MARCHF5: variants seen among roughly 807,000 people sequenced by gnomAD.
The protein encoded by MARCHF5 is membrane associated ring-CH-type finger 5.
A neutral mutation model predicts 36.5 loss-of-function variants in MARCHF5; 5 were observed. The ratio of observed to expected loss-of-function variants is 0.14; its 90% CI spans 0.07 to 0.29. The LOEUF (loss-of-function observed/expected upper bound fraction) is 0.29. Among genes scored for constraint, MARCHF5 ranks in the 10% least tolerant of loss-of-function variants. The probability of loss-of-function intolerance (pLI) is 1.00; values close to 1 mark genes in which losing one functional copy is unlikely to be tolerated. For missense variants in MARCHF5, 179 were observed against 336.3 expected (o/e 0.53, Z 3.66); for synonymous variants, 103 against 109.9 (o/e 0.94, Z 0.39).
intron 1 of MARCHF5, among the ~76,000 whole-genome samples, chr10:92,293,781 CA>C (rs1261520953): frequency 5.5e-5 from 8 of 144,430 alleles, no homozygotes; most frequent in East Asian, 2.0e-4. Context: ...AACTCCATCT[CA>C]AAAAAAAAAG....
intron 2 of MARCHF5, among the ~76,000 whole-genome samples, chr10:92,329,801 T>G (rs1181126101): frequency 6.6e-6 from 1 of 152,186 alleles, no homozygotes. Context: ...CCATAGTGAT[T>G]TAGTCTTTGA....
At position 92,311,262 on chromosome 10, in the gene MARCHF5, C is replaced by G; in HGVS notation, c.163C>G (p.Gln55Glu). The G allele has an allele frequency of 1.2e-6, 2 of 1,613,544 alleles. No homozygotes were observed. The highest frequency in any genetic ancestry group is 1.7e-6 in the Non-Finnish European group (2 of 1,179,684). Residue 55 changes from glutamine to glutamate, a missense_variant, in exon 2 of 6, where the codon CAA (glutamine) becomes GAA (glutamate). Transcript: ENST00000358935. ...TCTACAACGCTGGGTGGATGAAAAG[C>G]AAAGAGGAAACAGTACAGCCAGAGT... ...ACLQRWVDEK[Q>E]RGNSTARVAC... is the part of the protein sequence containing the mutation.
chr10:92,349,330 T>C lies in MARCHF5; in HGVS notation c.370-19T>C. ...ATTTGAAAAAGAAGTAATTCTAATA[T>C]ATGCTATCTGTTTCACAGGTTGTAG... On this transcript the variant is annotated intron_variant, in intron 3 of 5. Coordinates refer to ENST00000358935, the MANE Select transcript of MARCHF5 (RefSeq NM_017824.5). 6.5e-7 allele frequency: 1 copy of C among 1,549,368 alleles called. No individual in the cohort carries two copies. Among genetic ancestry groups the C allele is most frequent in the African/African-American group, 1.4e-5 (1 of 72,684 alleles).
At chr10:92,300,648 A>G (rs1180123308) in intron 1 of MARCHF5, among the ~76,000 whole-genome samples, 1 of 152,190 alleles carries the variant, frequency 6.6e-6, no homozygotes, top group Non-Finnish European at 1.5e-5. Context: ...CTCTTTATGA[A>G]TAAGTGTATA....
In MARCHF5 at chr10:92,349,519, T is replaced by C; in HGVS notation, c.540T>C (p.Asn180=). 3.1e-6 allele frequency: 5 copies of C among 1,613,444 alleles called. No homozygotes were observed. The South Asian group carries it at 3.3e-5, about 11-fold the overall frequency. The change falls in exon 4 of 6, where the codon AAT becomes AAC. Residue 180 remains asparagine, a synonymous_variant. Transcript: ENST00000358935. ...ACTCGAATAAACTACAAATTTTAAA[T>C]AGTATATTTCCAGGTAAGGCACTGA... is the stretch of plus-strand genomic sequence containing the variant. The part of the protein sequence containing the change: ...RKYSNKLQIL[N]SIFPGIGCPV...
At chr10:92,341,112 A>G (rs536595357) in intron 3 of MARCHF5, among the ~76,000 whole-genome samples, 38 of 152,292 alleles carry the variant, frequency 2.5e-4, no homozygotes, top group East Asian at 7.7e-4. Flanking sequence ...AGTTAGTCCA[A>G]TGTTTTGCTA....
chr10:92,333,741 C>A, intron 2 of MARCHF5: 1 of 677,188 alleles, frequency 1.5e-6, no homozygotes, highest in Non-Finnish European at 1.8e-6. Context: ...GATTTTTATA[C>A]AGATTTAATC....
intron 1 of MARCHF5, among the ~76,000 whole-genome samples, chr10:92,292,401 A>G (rs1353101646): frequency 6.6e-6 from 1 of 152,188 alleles, no homozygotes; most frequent in Non-Finnish European, 1.5e-5. Flanking sequence ...GTGGTTGCTT[A>G]CAATTCTCAA....
At chr10:92,291,667 A>G (rs889374990) in intron 1 of MARCHF5, 138 bp downstream of exon 1, 9 of 1,317,112 alleles carry the variant, frequency 6.8e-6, no homozygotes, top group African/African-American at 4.7e-5. Context: ...GAGAGGGGCA[A>G]AAAGTTTGGA....
In MARCHF5 at chr10:92,351,932, G is replaced by T. The variant is rs1590672206; in HGVS notation, c.*725G>T. The T allele has an allele frequency of 6.7e-6, 1 of 149,152 alleles. No individual in the cohort carries two copies. Among genetic ancestry groups the T allele is most frequent in the South Asian group, 2.2e-4 (1 of 4,554 alleles). The allele number at this position is 149,152 out of a possible 1,614,324, so 9.2% of individuals were successfully genotyped here. A position where few individuals can be genotyped will look rare whatever the true frequency, so the allele number is the denominator to read the frequency against. On this transcript the variant is annotated 3_prime_UTR_variant, in exon 6 of 6. Coordinates refer to ENST00000358935, the MANE Select transcript of MARCHF5 (RefSeq NM_017824.5). ...TGTGTGTGTGTGTGTGTGTGTGTGTGTGTGTGTATTTGTGTGTTTCAGTGT... is the reference window on the plus strand; with the variant it reads ...TGTGTGTGTGTGTGTGTGTGTGTGTTTGTGTGTATTTGTGTGTTTCAGTGT...
chr10:92,302,011 A>T (rs892893509), intron 1 of MARCHF5, among the ~76,000 whole-genome samples: 2 of 152,170 alleles, frequency 1.3e-5, no homozygotes, highest in Non-Finnish European at 2.9e-5. Flanking sequence ...CGGTGAGCTG[A>T]GACCACGCCA....
chr10:92,340,576 TG>T (rs1564953078), intron 2 of MARCHF5, 96 bp from the exon 3 acceptor site: 5 of 1,165,692 alleles, frequency 4.3e-6, no homozygotes, highest in South Asian at 3.3e-5. Context: ...TGTGTCTTGT[TG>T]GGGGGAAGGT....
At chr10:92,306,575 A>G (rs1843074908) in intron 1 of MARCHF5, among the ~76,000 whole-genome samples, 1 of 152,238 alleles carries the variant, frequency 6.6e-6, no homozygotes, top group Non-Finnish European at 1.5e-5. Flanking sequence ...ATTTTCAAAT[A>G]GCTCTTCTCC....
chr10:92,307,212 T>TGTGTGTGTGTGC (rs1024565926), intron 1 of MARCHF5, among the ~76,000 whole-genome samples: 4 of 41,562 alleles, frequency 9.6e-5, no homozygotes, highest in African/African-American at 3.1e-4. Context: ...TGTGTGTGTG[T>TGTGTGTGTGTGC]GCGCGTGCAT....
At chr10:92,317,487 T>TTCC (rs1224792765) in intron 2 of MARCHF5, among the ~76,000 whole-genome samples, 2 of 152,178 alleles carry the variant, frequency 1.3e-5, no homozygotes, top group African/African-American at 4.8e-5. Flanking sequence ...AAATATTTTG[T>TTCC]TCTTTTTGAT....
chr10:92,334,901 C>T (rs1159858715), intron 2 of MARCHF5, among the ~76,000 whole-genome samples: 1 of 152,086 alleles, frequency 6.6e-6, no homozygotes, highest in Non-Finnish European at 1.5e-5. Flanking sequence ...CTTTATTATA[C>T]AAAAGAAGTA....
Position 92,291,432 on chromosome 10 carries a change from G to A in MARCHF5, c.-63G>A, listed in dbSNP as rs1205171239. ...TACTCCGCCGCCTCTCAGTGCTATT[G>A]TCCCTGGGCCTGGCCTTGAGCGGGT... On this transcript the variant is annotated 5_prime_UTR_variant, in exon 1 of 6. Transcript: ENST00000358935. 6.4e-6 allele frequency: 9 copies of A among 1,415,412 alleles called. No individual in the cohort carries two copies. In the African/African-American group the frequency reaches 8.6e-5, roughly 13 times the overall value. The allele number at this position is 1,415,412 out of a possible 1,614,324, so 87.7% of individuals were successfully genotyped here.
intron 3 of MARCHF5, among the ~76,000 whole-genome samples, chr10:92,342,348 G>A (rs1843590994): frequency 6.6e-6 from 1 of 151,286 alleles, no homozygotes; most frequent in Admixed American, 6.6e-5. Context: ...GGGTCTTGCT[G>A]TGTTGTACAG....
chr10:92,297,483 CTTTTTTTTTTTT>C (rs965295861), intron 1 of MARCHF5, among the ~76,000 whole-genome samples: 2 of 122,970 alleles, frequency 1.6e-5, no homozygotes, highest in South Asian at 2.6e-4. Flanking sequence ...CAGCTTTCAA[CTTTTTTTTTTTT>C]TTTTTTTTTT....
Sources: gnomAD v4.1 joint callset for allele counts (sites outside exome capture counted in the v4.1 genomes callset) on GRCh38, gnomAD v4.1.1 for gene constraint, MANE v1.5 for transcripts, NCBI Gene and HGNC (gene_info 2026-07-23, HGNC 2026-07-21) for gene names.